Variants in AGPAT3 observed in about 807,000 individuals in gnomAD.
AGPAT3 encodes 1-acylglycerol-3-phosphate O-acyltransferase 3, also known as 1-acyl-sn-glycerol-3-phosphate acyltransferase gamma.
Under a neutral mutation model 47.3 loss-of-function variants are expected in AGPAT3, and 5 were observed. That is an observed-to-expected ratio of 0.11 (90% CI 0.06 to 0.22). AGPAT3 has a LOEUF of 0.22. Among genes scored for constraint, AGPAT3 ranks in the 10% least tolerant of loss-of-function variants. AGPAT3 has a pLI of 1.00. For synonymous variants in AGPAT3, 212 were observed against 208.3 expected, an observed-to-expected ratio of 1.02 and a Z score of -0.15; for missense variants, 315 against 493.0, an observed-to-expected ratio of 0.64 and a Z score of 3.42.
chr21:43,922,317 A>AGGAAGCGTGGGG lies in AGPAT3; in HGVS notation c.-49+18308_-49+18319dup, dbSNP rs1462699319. On this transcript the variant is annotated intron_variant, in intron 2 of 9. Coordinates refer to ENST00000291572, the MANE Select transcript of AGPAT3 (RefSeq NM_020132.5). This position sits in a 1 kb window ranked among gnomAD's most constrained non-coding sequence, Gnocchi z 4.9. ...GAGGATGGTGAACACATCAGCAAAC[A>AGGAAGCGTGGGG]GGAAGCGTGGGGGGAAGCGTGCGTG... Among the ~76,000 whole-genome samples, 3 of 152,188 alleles carry AGGAAGCGTGGGG rather than the reference A, an allele frequency of 2.0e-5. No individual in the cohort carries two copies. The highest frequency in any genetic ancestry group is 7.2e-5 in the African/African-American group (3 of 41,436).
chr21:43,961,775 G>A (rs1375763671), intron 3 of AGPAT3, among the ~76,000 whole-genome samples: 1 of 151,782 alleles, frequency 6.6e-6, no homozygotes, highest in Middle Eastern at 3.2e-3. Context: ...TGTAGGAAAT[G>A]GTGAGCGCAT....
Position 43,954,234 on chromosome 21 carries a change from C to T in AGPAT3, c.-48-5400C>T, listed in dbSNP as rs1204048755. The stretch of plus-strand genomic sequence containing the variant: ...CACCTTCCTCACCGTCACCCTTCTG[C>T]AGGGAGGGAGGTGGCCTCTGCCTGC... On this transcript the variant is annotated intron_variant, in intron 2 of 9. Coordinates refer to ENST00000291572, the MANE Select transcript of AGPAT3 (RefSeq NM_020132.5). The surrounding 1 kb of genome is among the most constrained non-coding windows in gnomAD (Gnocchi z 4.0). 2.0e-5 allele frequency among the ~76,000 whole-genome samples: 3 copies of T among 152,168 alleles called. No individual in the cohort carries two copies. Among genetic ancestry groups the T allele is most frequent in the African/African-American group, 7.2e-5 (3 of 41,446 alleles).
Position 43,874,094 on chromosome 21 carries a change from C to T in AGPAT3, c.-112+8749C>T, listed in dbSNP as rs189662151. Among the ~76,000 whole-genome samples the T allele has an allele frequency of 5.4e-4, 82 of 152,272 alleles. 1 individual carries two copies. The highest frequency in any genetic ancestry group is 3.3e-3 in the Admixed American group (51 of 15,298). ...TCTGTCACGCAGGCTGGCGTGATCT[C>T]GGCTCACTGCAACCTCCGCCTCCCG... On this transcript the variant is annotated intron_variant, in intron 1 of 9. Transcript: ENST00000291572.
intron 1 of AGPAT3, among the ~76,000 whole-genome samples, chr21:43,891,678 A>G (rs144946192): frequency 2.2e-4 from 34 of 151,178 alleles, no homozygotes; most frequent in African/African-American, 7.3e-4. Flanking sequence ...TTCAAGTTTG[A>G]TCATGAGGTG....
intron 3 of AGPAT3, among the ~76,000 whole-genome samples, chr21:43,962,216 A>G (rs1284075101): frequency 6.6e-6 from 1 of 151,822 alleles, no homozygotes; most frequent in Non-Finnish European, 1.5e-5. Context: ...GTTAGCCAGG[A>G]TGGTTTTGAT....
chr21:43,878,245 T>C (rs1364503351), intron 1 of AGPAT3, among the ~76,000 whole-genome samples: 1 of 152,174 alleles, frequency 6.6e-6, no homozygotes, highest in Non-Finnish European at 1.5e-5. Context: ...ACTTTCTCCT[T>C]TTGCCTGGTG....
chr21:43,897,804 G>C (rs932951500), intron 1 of AGPAT3, among the ~76,000 whole-genome samples: 9 of 152,230 alleles, frequency 5.9e-5, no homozygotes, highest in Non-Finnish European at 1.2e-4. Flanking sequence ...AGGAGGTGGA[G>C]GTTGTAGCGA....
intron 1 of AGPAT3, among the ~76,000 whole-genome samples, chr21:43,891,177 ACTT>A (rs1251016809): frequency 6.6e-5 from 10 of 152,300 alleles, no homozygotes; most frequent in African/African-American, 2.2e-4. Flanking sequence ...CCACAGTAGA[ACTT>A]CTTTCCAAAT....
chr21:43,942,366 G>A (rs2087687626), intron 2 of AGPAT3, among the ~76,000 whole-genome samples: 1 of 152,208 alleles, frequency 6.6e-6, no homozygotes, highest in African/African-American at 2.4e-5. Context: ...AAGGCGGGCT[G>A]GCCACTCACC....
chr21:43,954,963 C>T lies in AGPAT3; in HGVS notation c.-48-4671C>T, dbSNP rs1243297841. On this transcript the variant is annotated intron_variant, in intron 2 of 9. Coordinates refer to ENST00000291572, the MANE Select transcript of AGPAT3 (RefSeq NM_020132.5). This position sits in a 1 kb window ranked among gnomAD's most constrained non-coding sequence, Gnocchi z 4.0. ...GGACCAGAGACTGGCCGCTTTGTGACACCGAGGACGGTTGATAAAGTGGAT... is the reference window on the plus strand; with the variant it reads ...GGACCAGAGACTGGCCGCTTTGTGATACCGAGGACGGTTGATAAAGTGGAT... The T allele has an allele frequency of 1.9e-6, 2 of 1,075,314 alleles. No homozygotes were observed. The highest frequency in any genetic ancestry group is 2.3e-6 in the Non-Finnish European group (2 of 860,608). The allele number at this position is 1,075,314 out of a possible 1,614,324, so 66.6% of individuals were successfully genotyped here.
chr21:43,891,793 A>G (rs2082535094), intron 1 of AGPAT3, among the ~76,000 whole-genome samples: 1 of 152,070 alleles, frequency 6.6e-6, no homozygotes, highest in Non-Finnish European at 1.5e-5. Context: ...GAACTCCTCA[A>G]AGTCATCCAC....
At chr21:43,974,811 C>A (rs1169838083) in intron 7 of AGPAT3, among the ~76,000 whole-genome samples, 1 of 152,154 alleles carries the variant, frequency 6.6e-6, no homozygotes, top group African/African-American at 2.4e-5. Context: ...GGCCCCTCCC[C>A]TCACTGTAGA....
Position 43,918,965 on chromosome 21 carries a change from C to T in AGPAT3, c.-49+14946C>T, listed in dbSNP as rs140766825. Among the ~76,000 whole-genome samples the T allele has an allele frequency of 1.0e-3, 159 of 152,230 alleles. 1 individual carries two copies. Among genetic ancestry groups the T allele is most frequent in the African/African-American group, 3.6e-3 (149 of 41,510 alleles). ...TTTTTTGTCTTAACTTTCTACTTTACCATCACCATCGTTATTACTTAACAT... is the reference window on the plus strand; with the variant it reads ...TTTTTTGTCTTAACTTTCTACTTTATCATCACCATCGTTATTACTTAACAT... On this transcript the variant is annotated intron_variant, in intron 2 of 9. Coordinates refer to ENST00000291572, the MANE Select transcript of AGPAT3 (RefSeq NM_020132.5).
At chr21:43,884,705 A>ATGCTGGG (rs994920769) in intron 1 of AGPAT3, among the ~76,000 whole-genome samples, 1 of 141,970 alleles carries the variant, frequency 7.0e-6, no homozygotes, top group Non-Finnish European at 1.5e-5. Flanking sequence ...GGGTGGCCTG[A>ATGCTGGG]TGCTGGGTGC....
chr21:43,878,165 C>A (rs2085775653), intron 1 of AGPAT3, among the ~76,000 whole-genome samples: 1 of 152,136 alleles, frequency 6.6e-6, no homozygotes, highest in Admixed American at 6.5e-5. Flanking sequence ...ACGCTCTGCA[C>A]CCCCACACCC....
chr21:43,909,344 G>A (rs551271844), intron 2 of AGPAT3, among the ~76,000 whole-genome samples: 6 of 150,764 alleles, frequency 4.0e-5, no homozygotes, highest in East Asian at 2.0e-4. Flanking sequence ...CGCCCAGGCC[G>A]GAGTGTGGTG....
chr21:43,875,969 G>A (rs2085725280), intron 1 of AGPAT3, among the ~76,000 whole-genome samples: 2 of 150,830 alleles, frequency 1.3e-5, no homozygotes, highest in South Asian at 4.2e-4. Flanking sequence ...TTTTTTTGTT[G>A]GTAGAGATGG....
At chr21:43,882,166 C>T (rs998267064) in intron 1 of AGPAT3, among the ~76,000 whole-genome samples, 4 of 152,252 alleles carry the variant, frequency 2.6e-5, no homozygotes, top group Non-Finnish European at 5.9e-5. Context: ...AGTGGTCAGT[C>T]TCAGCCTGTC....
At chr21:43,980,398 T>C (rs2089803856) in intron 8 of AGPAT3, among the ~76,000 whole-genome samples, 1 of 151,980 alleles carries the variant, frequency 6.6e-6, no homozygotes, top group African/African-American at 2.4e-5. Flanking sequence ...GTCTGCTCTA[T>C]CAGGCATGGT....
Sources: gnomAD v4.1 joint callset for allele counts (sites outside exome capture counted in the v4.1 genomes callset) on GRCh38, gnomAD v4.1.1 for gene constraint, Gnocchi (gnomAD v3.1) non-coding constraint, MANE v1.5 for transcripts, NCBI Gene and HGNC (gene_info 2026-07-23, HGNC 2026-07-21) for gene names.